The following TFEC variants were observed in gnomAD, a reference collection of about 807,000 sequenced individuals.
The protein encoded by TFEC is class E basic helix-loop-helix protein 34.
A neutral mutation model predicts 41.6 loss-of-function variants in TFEC; 31 were observed. That is an observed-to-expected ratio of 0.74 (90% CI 0.56 to 1.01). The LOEUF (loss-of-function observed/expected upper bound fraction) is 1.01. Among genes scored for constraint, TFEC ranks in the 50% least tolerant of loss-of-function variants. TFEC has a pLI of 0.00. For missense variants in TFEC, 402 were observed against 404.1 expected, an observed-to-expected ratio of 0.99 and a Z score of 0.04; for synonymous variants, 143 against 140.6, an observed-to-expected ratio of 1.02 and a Z score of -0.12.
rs1795909967 is a variant in TFEC at position 116,036,389 on chromosome 7, A to C, written c.199-51876T>G. ...AAGTTGCAAATGGGCAAAGTAGTTC[A>C]TATCATGCAGAAAGCAGCTCTCTGA... On this transcript the variant is annotated intron_variant, in intron 3 of 8. Coordinates refer to the TFEC transcript ENST00000484212. Among the ~76,000 whole-genome samples the C allele has an allele frequency of 2.0e-5, 3 of 152,218 alleles. No homozygotes were observed. The South Asian group carries it at 6.2e-4, about 31-fold the overall frequency.
intron 2 of TFEC, among the ~76,000 whole-genome samples, chr7:115,977,980 T>C (rs764518073): frequency 2.0e-4 from 31 of 151,806 alleles, no homozygotes; most frequent in Non-Finnish European, 3.8e-4. Flanking sequence ...CAATGGAAGA[T>C]AGAAAAAAGA....
intron 1 of TFEC, among the ~76,000 whole-genome samples, chr7:116,001,527 A>C (rs190191305): frequency 3.9e-5 from 6 of 151,936 alleles, no homozygotes; most frequent in Admixed American, 2.0e-4. Context: ...CAAACAAAAA[A>C]AACACAAAAA....
intron 1 of TFEC, among the ~76,000 whole-genome samples, chr7:116,124,567 A>C (rs1798173608): frequency 6.6e-6 from 1 of 152,200 alleles, no homozygotes; most frequent in Admixed American, 6.5e-5. Flanking sequence ...CAAATGAAGA[A>C]GTCTGCAGAA....
At chr7:116,154,179 C>T (rs1346853710) in intron 1 of TFEC, among the ~76,000 whole-genome samples, 1 of 152,144 alleles carries the variant, frequency 6.6e-6, no homozygotes, top group Non-Finnish European at 1.5e-5. Context: ...TTATAAACAT[C>T]CTCCCAAGTT....
At chr7:116,112,636 T>C (rs998523922) in intron 1 of TFEC, among the ~76,000 whole-genome samples, 5 of 151,956 alleles carry the variant, frequency 3.3e-5, no homozygotes, top group African/African-American at 1.2e-4. Context: ...GAGACTAATG[T>C]TTTCTATGAC....
chr7:116,135,662 C>A (rs1051517122), intron 1 of TFEC, among the ~76,000 whole-genome samples: 4 of 152,032 alleles, frequency 2.6e-5, no homozygotes, highest in Non-Finnish European at 5.9e-5. Context: ...AATCTTGGAG[C>A]ACCTATTTAT....
intron 1 of TFEC, among the ~76,000 whole-genome samples, chr7:116,007,459 A>C (rs1794842042): frequency 6.6e-6 from 1 of 152,200 alleles, no homozygotes; most frequent in African/African-American, 2.4e-5. Context: ...AGAGTTGTGG[A>C]ATAATGTGGG....
intron 3 of TFEC, among the ~76,000 whole-genome samples, chr7:116,077,131 T>G (rs1796977974): frequency 6.6e-6 from 1 of 152,162 alleles, no homozygotes; most frequent in Non-Finnish European, 1.5e-5. Context: ...TTAGCCACCT[T>G]AAGCAAAACT....
chr7:115,971,448 T>TTGATTTTC (rs1239898364), intron 3 of TFEC, among the ~76,000 whole-genome samples: 1 of 152,014 alleles, frequency 6.6e-6, no homozygotes, highest in Non-Finnish European at 1.5e-5. Context: ...TCCATATCTG[T>TTGATTTTC]TGATTTTCTC....
intron 3 of TFEC, among the ~76,000 whole-genome samples, chr7:115,959,365 T>C (rs996393746): frequency 2.6e-5 from 4 of 151,672 alleles, no homozygotes; most frequent in Non-Finnish European, 5.9e-5. Flanking sequence ...GAGGAGTGAA[T>C]AACAGTAGTT....
chr7:116,063,441 A>AC (rs1036729001), intron 3 of TFEC, among the ~76,000 whole-genome samples: 11 of 150,884 alleles, frequency 7.3e-5, no homozygotes, highest in East Asian at 5.9e-4. Flanking sequence ...ACATGGTGAA[A>AC]CCCCCCTCTC....
At chr7:116,144,384 A>G (rs1798601321) in intron 1 of TFEC, among the ~76,000 whole-genome samples, 1 of 152,342 alleles carries the variant, frequency 6.6e-6, no homozygotes, top group African/African-American at 2.4e-5. Flanking sequence ...CAGGCAGTCC[A>G]CTAAAATTTT....
intron 3 of TFEC, among the ~76,000 whole-genome samples, chr7:115,962,484 C>T (rs567989826): frequency 5.7e-4 from 86 of 151,748 alleles, no homozygotes; most frequent in Non-Finnish European, 1.1e-3. Context: ...GTGAGTCTGA[C>T]AATAAGATAT....
chr7:116,065,312 G>C (rs1000664593), intron 3 of TFEC, among the ~76,000 whole-genome samples: 4 of 152,124 alleles, frequency 2.6e-5, no homozygotes, highest in Non-Finnish European at 5.9e-5. Context: ...CAAGACACCT[G>C]AGAAAAGTTC....
chr7:115,952,037 A>G (rs1791973343), intron 5 of TFEC, among the ~76,000 whole-genome samples: 1 of 152,108 alleles, frequency 6.6e-6, no homozygotes, highest in South Asian at 2.1e-4. Context: ...AATGTTGGAA[A>G]ATACTTAAAC....
intron 3 of TFEC, among the ~76,000 whole-genome samples, chr7:116,052,644 G>A (rs879748959): frequency 3.2e-4 from 49 of 151,764 alleles, no homozygotes; most frequent in Non-Finnish European, 5.6e-4. Flanking sequence ...GGCCAGGATG[G>A]TCTCAATCTC....
intron 3 of TFEC, among the ~76,000 whole-genome samples, chr7:115,962,785 T>C (rs935098929): frequency 9.9e-5 from 15 of 151,834 alleles, no homozygotes; most frequent in African/African-American, 3.4e-4. Context: ...TCTTAAGAGA[T>C]TAAGATCCAG....
intron 3 of TFEC, among the ~76,000 whole-genome samples, chr7:116,077,997 A>C (rs1001037840): frequency 6.6e-6 from 1 of 152,266 alleles, no homozygotes; most frequent in Admixed American, 6.5e-5. Flanking sequence ...AGCACATGGA[A>C]CATTCTCCAA....
At chr7:115,978,605 C>G (rs1793489563) in intron 2 of TFEC, among the ~76,000 whole-genome samples, 1 of 152,188 alleles carries the variant, frequency 6.6e-6, no homozygotes, top group Non-Finnish European at 1.5e-5. Context: ...TCTCCACCTT[C>G]TATTAACTCT....
Sources: gnomAD v4.1 joint callset for allele counts (sites outside exome capture counted in the v4.1 genomes callset) on GRCh38, gnomAD v4.1.1 for gene constraint, MANE v1.5 for transcripts, NCBI Gene and HGNC (gene_info 2026-07-23, HGNC 2026-07-21) for gene names.